Variants in LEKR1 observed in about 807,000 individuals in gnomAD.
LEKR1 encodes the protein protein LEKR1.
In LEKR1, 59 loss-of-function variants were observed where a neutral mutation model predicts 72.4. That is an observed-to-expected ratio of 0.82 (90% CI 0.66 to 1.01). The LOEUF (loss-of-function observed/expected upper bound fraction) is 1.01. LEKR1 is among the 50% of genes least tolerant of loss of function. LEKR1 has a pLI of 0.00. For synonymous variants in LEKR1, 257 were observed against 263.2 expected, an observed-to-expected ratio of 0.98 and a Z score of 0.23; for missense variants, 728 against 759.2, an observed-to-expected ratio of 0.96 and a Z score of 0.48.
At chr3:156,961,932 A>G (rs1728168434) in intron 6 of LEKR1, among the ~76,000 whole-genome samples, 1 of 152,242 alleles carries the variant, frequency 6.6e-6, no homozygotes, top group Non-Finnish European at 1.5e-5. Context: ...GATTATATTT[A>G]GTATACAAGC....
At chr3:156,978,059 G>A (rs115980871) in intron 6 of LEKR1, among the ~76,000 whole-genome samples, 1,801 of 152,222 alleles carry the variant, frequency 0.012, 19 homozygotes, top group Non-Finnish European at 0.018. Context: ...GAGATGCTAA[G>A]CAAACTATTC....
chr3:156,985,923 T>C (rs2108004231), intron 7 of LEKR1, among the ~76,000 whole-genome samples: 1 of 151,286 alleles, frequency 6.6e-6, no homozygotes, highest in South Asian at 2.1e-4. Context: ...ATCACGAGGA[T>C]CCTTATAAGA....
At chr3:156,886,226 A>G (rs1393308130) in intron 3 of LEKR1, among the ~76,000 whole-genome samples, 1 of 151,970 alleles carries the variant, frequency 6.6e-6, no homozygotes, top group African/African-American at 2.4e-5. Flanking sequence ...TTTGCCAGGG[A>G]AGTGGGGGAT....
chr3:156,880,091 C>T (rs1440339294), intron 3 of LEKR1, among the ~76,000 whole-genome samples: 1 of 152,168 alleles, frequency 6.6e-6, no homozygotes, highest in Non-Finnish European at 1.5e-5. Context: ...CCACTCTCCT[C>T]CAGACCCCAG....
At chr3:156,977,176 G>A (rs879844807) in intron 6 of LEKR1, among the ~76,000 whole-genome samples, 12 of 152,256 alleles carry the variant, frequency 7.9e-5, no homozygotes, top group South Asian at 2.1e-4. Context: ...CCATGCCACC[G>A]GTGATGGCAG....
intron 12 of LEKR1, 81 bp downstream of exon 12, chr3:157,028,483 A>C: frequency 8.1e-7 from 1 of 1,239,018 alleles, no homozygotes; most frequent in Non-Finnish European, 1.1e-6. Flanking sequence ...CGTGAAAGGC[A>C]GCTTAGTTTC....
chr3:156,827,123 T>G (rs761659756), intron 1 of LEKR1: 11 of 152,286 alleles, frequency 7.2e-5, no homozygotes, highest in Non-Finnish European at 1.2e-4. Context: ...AGACTAAATT[T>G]AAAAAATTAC....
intron 3 of LEKR1, among the ~76,000 whole-genome samples, chr3:156,918,995 C>T (rs1356591257): frequency 6.6e-6 from 1 of 152,104 alleles, no homozygotes; most frequent in African/African-American, 2.4e-5. Context: ...TTAATCCCCT[C>T]CCTTGTGAGT....
At chr3:156,937,668 A>G (rs1725839284) in intron 5 of LEKR1, among the ~76,000 whole-genome samples, 1 of 152,208 alleles carries the variant, frequency 6.6e-6, no homozygotes, top group South Asian at 2.1e-4. Context: ...ACTCTTGAGC[A>G]TTTATCCCAG....
At chr3:156,996,795 TG>T (rs1355296003) in intron 9 of LEKR1, among the ~76,000 whole-genome samples, 2 of 152,188 alleles carry the variant, frequency 1.3e-5, no homozygotes, top group African/African-American at 4.8e-5. Context: ...TCGGGCATGG[TG>T]GTTCATGCCT....
In LEKR1 at chr3:156,877,359, C is replaced by T. The variant is rs189394777; in HGVS notation, c.263+24377C>T. 7.8e-4 allele frequency among the ~76,000 whole-genome samples: 119 copies of T among 152,036 alleles called. 2 individuals carry two copies. Among genetic ancestry groups the T allele is most frequent in the Non-Finnish European group, 2.2e-4 (15 of 67,996 alleles). Reference sequence around the variant, plus strand: ...CATAGAATGATGTAGGGAGGAGTCCCTCTTTATCTTTTGGAATAGTCTTAG... The same window carrying T: ...CATAGAATGATGTAGGGAGGAGTCCTTCTTTATCTTTTGGAATAGTCTTAG... On this transcript the variant is annotated intron_variant, in intron 3 of 12. Coordinates refer to ENST00000356539, the MANE Select transcript of LEKR1 (RefSeq NM_001004316.3).
chr3:157,031,193 A>T (rs967165757), intron 12 of LEKR1, among the ~76,000 whole-genome samples: 1 of 152,178 alleles, frequency 6.6e-6, no homozygotes, highest in Non-Finnish European at 1.5e-5. Context: ...CTTCATCGAC[A>T]AAAGGAGCTG....
At chr3:156,882,465 C>T (rs950001455) in intron 3 of LEKR1, among the ~76,000 whole-genome samples, 5 of 152,198 alleles carry the variant, frequency 3.3e-5, no homozygotes, top group African/African-American at 1.2e-4. Flanking sequence ...CCATCTCACA[C>T]CAGTTAGAAT....
intron 10 of LEKR1, chr3:157,017,823 C>A (rs936283916): frequency 6.6e-6 from 1 of 151,820 alleles, no homozygotes; most frequent in Non-Finnish European, 1.5e-5. Context: ...GTGGCAGGCA[C>A]CTGTAGTCCC....
At chr3:156,893,291 C>T (rs1327238338) in intron 3 of LEKR1, among the ~76,000 whole-genome samples, 3 of 152,086 alleles carry the variant, frequency 2.0e-5, no homozygotes, top group African/African-American at 7.2e-5. Flanking sequence ...TTTTAGATTT[C>T]ACGATGTAAG....
At chr3:156,961,518 C>G (rs1728132132) in intron 6 of LEKR1, among the ~76,000 whole-genome samples, 1 of 152,172 alleles carries the variant, frequency 6.6e-6, no homozygotes, top group Non-Finnish European at 1.5e-5. Context: ...CAAATAGAAC[C>G]ATACAATATG....
At chr3:156,955,747 C>T (rs1727564412) in intron 6 of LEKR1, among the ~76,000 whole-genome samples, 1 of 151,794 alleles carries the variant, frequency 6.6e-6, no homozygotes, top group Non-Finnish European at 1.5e-5. Flanking sequence ...TTCAGTTTGC[C>T]AATATTTAAT....
At chr3:157,028,995 T>C (rs1734405700) in intron 12 of LEKR1, among the ~76,000 whole-genome samples, 1 of 152,204 alleles carries the variant, frequency 6.6e-6, no homozygotes, top group Non-Finnish European at 1.5e-5. Flanking sequence ...AGTTTAGAAA[T>C]ACTGAAACAA....
chr3:156,851,015 A>C (rs1377051099), intron 2 of LEKR1, among the ~76,000 whole-genome samples: 1 of 152,224 alleles, frequency 6.6e-6, no homozygotes, highest in Non-Finnish European at 1.5e-5. Context: ...ATTAGAACGT[A>C]TTACAATGAT....
Sources: gnomAD v4.1 joint callset for allele counts (sites outside exome capture counted in the v4.1 genomes callset) on GRCh38, gnomAD v4.1.1 for gene constraint, MANE v1.5 for transcripts, NCBI Gene and HGNC (gene_info 2026-07-23, HGNC 2026-07-21) for gene names.